The following EBF1 variants were observed in gnomAD, a reference collection of about 807,000 sequenced individuals.
EBF1 encodes the protein EBF transcription factor 1, also known as transcription factor COE1.
A neutral mutation model predicts 68.4 loss-of-function variants in EBF1; 10 were observed. That is an observed-to-expected ratio of 0.15 (90% CI 0.09 to 0.25). The LOEUF (loss-of-function observed/expected upper bound fraction) is 0.25. Among genes scored for constraint, EBF1 ranks in the 10% least tolerant of loss-of-function variants. The pLI is 1.00. For missense variants in EBF1, 509 were observed against 794.4 expected (o/e 0.64, Z 4.32); for synonymous variants, 298 against 299.8 (o/e 0.99, Z 0.06).
chr5:158,857,867 T>A (rs1794329313), intron 6 of EBF1, among the ~76,000 whole-genome samples: 1 of 152,222 alleles, frequency 6.6e-6, no homozygotes, highest in Non-Finnish European at 1.5e-5. Flanking sequence ...AAAAGTCACA[T>A]AATTAACAGA....
chr5:158,831,396 T>G (rs1190658889), intron 7 of EBF1, among the ~76,000 whole-genome samples: 1 of 152,200 alleles, frequency 6.6e-6, no homozygotes, highest in Non-Finnish European at 1.5e-5. Context: ...GCCCACTATG[T>G]GCCTACCATG....
chr5:158,958,203 T>G (rs891718528), intron 6 of EBF1, among the ~76,000 whole-genome samples: 3 of 152,166 alleles, frequency 2.0e-5, no homozygotes, highest in African/African-American at 7.2e-5. Context: ...ATGACAAGCT[T>G]GGCTTTATAA....
At chr5:159,063,192 A>G (rs1584360099) in intron 6 of EBF1, among the ~76,000 whole-genome samples, 2 of 152,130 alleles carry the variant, frequency 1.3e-5, no homozygotes, top group East Asian at 1.9e-4. Context: ...TAGGCTTACA[A>G]CCTACCCTCC....
chr5:158,879,733 T>C (rs1368874392), intron 6 of EBF1, among the ~76,000 whole-genome samples: 1 of 151,998 alleles, frequency 6.6e-6, no homozygotes, highest in African/African-American at 2.4e-5. Flanking sequence ...AAAAGAAAAG[T>C]TGTAGGCAAT....
chr5:159,096,793 G>C (rs940000983), intron 2 of EBF1, among the ~76,000 whole-genome samples, 181 bp downstream of exon 2: 3 of 152,228 alleles, frequency 2.0e-5, no homozygotes, highest in African/African-American at 7.2e-5. Flanking sequence ...AACTTTTCTG[G>C]AGAAGGAGCC....
intron 10 of EBF1, among the ~76,000 whole-genome samples, chr5:158,770,794 ATC>A (rs1773719135): frequency 6.6e-6 from 1 of 152,134 alleles, no homozygotes; most frequent in Non-Finnish European, 1.5e-5. Context: ...GTAGAGAAAT[ATC>A]TCTAACTGAC....
At chr5:158,902,320 T>G (rs1803575302) in intron 6 of EBF1, among the ~76,000 whole-genome samples, 1 of 152,058 alleles carries the variant, frequency 6.6e-6, no homozygotes, top group Non-Finnish European at 1.5e-5. Context: ...TATCAATTAC[T>G]GAGCAAGAGT....
intron 6 of EBF1, among the ~76,000 whole-genome samples, chr5:159,005,250 T>C (rs925520866): frequency 1.3e-5 from 2 of 152,176 alleles, no homozygotes; most frequent in African/African-American, 4.8e-5. Context: ...AGAATGAAGC[T>C]CCACCTACTA....
At position 159,075,289 on chromosome 5, in the gene EBF1, T is replaced by TC. The variant is rs560387575; in HGVS notation, c.486-1826dup. Among the ~76,000 whole-genome samples, 854 of 152,182 alleles carry TC rather than the reference T, an allele frequency of 5.6e-3. 2 individuals are homozygous for TC. The highest frequency in any genetic ancestry group is 8.9e-3 in the Admixed American group (136 of 15,276). On this transcript the variant is annotated intron_variant, in intron 5 of 15. Transcript: ENST00000313708. ...TCATTATCACCCCCTGCACCTACCCTCTTCAGTCCCTTCCTCCTTCAAGTC... is the reference window on the plus strand; with the variant it reads ...TCATTATCACCCCCTGCACCTACCCTCCTTCAGTCCCTTCCTCCTTCAAGTC...
Position 159,084,814 on chromosome 5 carries a change from C to A in EBF1, c.412-75G>T, listed in dbSNP as rs1780359033. On this transcript the variant is annotated intron_variant, in intron 4 of 15. Coordinates refer to ENST00000313708, the MANE Select transcript of EBF1 (RefSeq NM_024007.5). ...AAAAAAAAAAAATCACAATTGAGTT[C>A]TTAACCACTTCACCACTACTGAAGG... 6.7e-6 allele frequency: 9 copies of A among 1,350,134 alleles called. No individual in the cohort carries two copies. The Admixed American group carries it at 7.4e-5, about 11-fold the overall frequency. The allele number at this position is 1,350,134 out of a possible 1,614,324, so 83.6% of individuals were successfully genotyped here.
chr5:159,030,095 G>GA (rs11372955), intron 6 of EBF1, among the ~76,000 whole-genome samples: 131,935 of 151,722 alleles, frequency 0.87, 57,769 homozygotes, highest in African/African-American at 0.97. Flanking sequence ...TAGAGACACA[G>GA]AAAAAATATA....
At chr5:159,087,339 C>CACACATATATATAT (rs1196144726) in intron 4 of EBF1, among the ~76,000 whole-genome samples, 1 of 135,730 alleles carries the variant, frequency 7.4e-6, no homozygotes, top group Non-Finnish European at 1.6e-5. Flanking sequence ...TATATATACA[C>CACACATATATATAT]ACACATATAT....
rs566817360 is a variant in EBF1, at chr5:158,969,479, A to T, written c.554+103917T>A. Among the ~76,000 whole-genome samples the T allele has an allele frequency of 2.6e-5, 4 of 150,960 alleles. No homozygotes were observed. The South Asian group carries it at 8.4e-4, about 32-fold the overall frequency. ...TTAAAATGTCCCTAGAAAGACTGCT[A>T]GGGGCCGGGGGCTGTGGCTCATGCC... On this transcript the variant is annotated intron_variant, in intron 6 of 15. Transcript: ENST00000313708.
intron 6 of EBF1, among the ~76,000 whole-genome samples, chr5:158,895,261 C>A (rs754355529): frequency 1.3e-5 from 2 of 152,020 alleles, no homozygotes; most frequent in African/African-American, 4.8e-5. Context: ...AGAATAAAAA[C>A]GCAGTAAAAA....
intron 7 of EBF1, among the ~76,000 whole-genome samples, chr5:158,834,765 T>C (rs1788369519): frequency 6.6e-6 from 1 of 152,248 alleles, no homozygotes; most frequent in Non-Finnish European, 1.5e-5. Context: ...CTCAGTCACC[T>C]ACACAGGCCC....
chr5:158,932,651 A>G (rs1341774991), intron 6 of EBF1, among the ~76,000 whole-genome samples: 1 of 152,216 alleles, frequency 6.6e-6, no homozygotes, highest in Non-Finnish European at 1.5e-5. Context: ...AATTTATATC[A>G]TTACATAATT....
chr5:159,053,924 G>C (rs972508103), intron 6 of EBF1, among the ~76,000 whole-genome samples: 1 of 152,198 alleles, frequency 6.6e-6, no homozygotes, highest in Non-Finnish European at 1.5e-5. Context: ...TAAGGACCTC[G>C]CCTTAGGGCA....
chr5:158,797,797 T>C (rs546069738), intron 8 of EBF1, among the ~76,000 whole-genome samples: 7 of 152,210 alleles, frequency 4.6e-5, no homozygotes, highest in Non-Finnish European at 8.8e-5. Context: ...GCTGAACTCA[T>C]AGCAATGCAT....
intron 6 of EBF1, among the ~76,000 whole-genome samples, chr5:158,923,282 A>G (rs1808843553): frequency 6.6e-6 from 1 of 152,176 alleles, no homozygotes. Flanking sequence ...TTTTCAAAGT[A>G]TATCCCCAAC....
Sources: gnomAD v4.1 joint callset for allele counts (sites outside exome capture counted in the v4.1 genomes callset) on GRCh38, gnomAD v4.1.1 for gene constraint, MANE v1.5 for transcripts, NCBI Gene and HGNC (gene_info 2026-07-23, HGNC 2026-07-21) for gene names.